The following TMEM94 variants were observed in gnomAD, a reference collection of about 807,000 sequenced individuals.
TMEM94 encodes the protein transmembrane protein 94.
In TMEM94, 81 loss-of-function variants were observed where a neutral mutation model predicts 158.6. That is an observed-to-expected ratio of 0.51 (90% CI 0.43 to 0.61). The LOEUF is 0.61. TMEM94 is among the 20% of genes least tolerant of loss of function. TMEM94 has a pLI of 0.00. For synonymous variants in TMEM94, 751 were observed against 730.7 expected, an observed-to-expected ratio of 1.03 and a Z score of -0.45; for missense variants, 1,435 against 1,762.0, an observed-to-expected ratio of 0.81 and a Z score of 3.32.
chr17:75,496,852 C>G, intron 25 of TMEM94, 45 bp downstream of exon 25: 1 of 1,576,460 alleles, frequency 6.3e-7, no homozygotes, highest in Non-Finnish European at 8.7e-7. Flanking sequence ...CCACTCACCC[C>G]TTCACTCAGG....
chr17:75,463,325 C>T (rs2146073200), intron 1 of TMEM94, among the ~76,000 whole-genome samples: 1 of 151,158 alleles, frequency 6.6e-6, no homozygotes, highest in African/African-American at 2.4e-5. Context: ...AGCCATTATA[C>T]CTTTCTAGCC....
chr17:75,461,051 C>T (rs187467258), intron 1 of TMEM94, among the ~76,000 whole-genome samples: 6 of 148,402 alleles, frequency 4.0e-5, no homozygotes, highest in Admixed American at 2.7e-4. Flanking sequence ...CTAGAAACCT[C>T]ATATAAGAGG....
intron 1 of TMEM94, among the ~76,000 whole-genome samples, chr17:75,460,515 ATT>A (rs537401657): frequency 1.1e-4 from 15 of 140,644 alleles, no homozygotes; most frequent in Non-Finnish European, 1.2e-4. Context: ...GGAGCTGCTG[ATT>A]TTTTTTTTTT....
intron 1 of TMEM94, among the ~76,000 whole-genome samples, chr17:75,463,102 G>C (rs1333641704): frequency 1.3e-4 from 1 of 7,986 alleles, no homozygotes; most frequent in Non-Finnish European, 2.2e-4. Flanking sequence ...ACATATATAT[G>C]TGTGTATATA....
At chr17:75,483,610 C>T (rs767434112) in intron 2 of TMEM94, among the ~76,000 whole-genome samples, 1 of 152,020 alleles carries the variant, frequency 6.6e-6, no homozygotes, top group Non-Finnish European at 1.5e-5. Context: ...CATGCATGCA[C>T]CACCATGCCC....
At position 75,489,019 on chromosome 17, in the gene TMEM94, C is replaced by A; in HGVS notation, c.764+109C>A. On this transcript the variant is annotated intron_variant, in intron 7 of 31. Coordinates refer to ENST00000314256, the MANE Select transcript of TMEM94 (RefSeq NM_014738.6). This position sits in a 1 kb window ranked among gnomAD's most constrained non-coding sequence, Gnocchi z 5.0. Reference sequence around the variant, plus strand: ...ATCTCGAGGTTCTCTTGAGGGCAGGCATCTCCTTAGGCTCCTGTCCTTAAC... The same window carrying A: ...ATCTCGAGGTTCTCTTGAGGGCAGGAATCTCCTTAGGCTCCTGTCCTTAAC... 1 of 1,208,700 alleles carries A rather than the reference C, an allele frequency of 8.3e-7. No individual in the cohort carries two copies. The highest frequency in any genetic ancestry group is 1.2e-6 in the Non-Finnish European group (1 of 855,442). The allele number at this position is 1,208,700 out of a possible 1,614,324, so 74.9% of individuals were successfully genotyped here.
Position 75,485,909 on chromosome 17 carries a change from C to G in TMEM94, c.183C>G (p.Arg61=), listed in dbSNP as rs2051556940. The G allele has an allele frequency of 1.2e-6, 2 of 1,613,444 alleles. No individual in the cohort carries two copies. The highest frequency in any genetic ancestry group is 2.7e-5 in the African/African-American group (2 of 74,932). The change falls in exon 4 of 32, where the codon CGC becomes CGG. Residue 61 remains arginine, a synonymous_variant. Transcript: ENST00000314256. The surrounding 1 kb of genome is among the most constrained non-coding windows in gnomAD (Gnocchi z 5.5). ...WRSSFLHHSN[R]CSCFHWPGAS... ...GCAGCTTCCTCCACCACAGTAACCG[C>G]TGCTCCTGCTTCCACTGGCCGGGGG...
At chr17:75,463,092 A>ACC (rs2050154214) in intron 1 of TMEM94, among the ~76,000 whole-genome samples, 1 of 13,800 alleles carries the variant, frequency 7.2e-5, no homozygotes, top group South Asian at 2.4e-3. Context: ...ACACACACAC[A>ACC]CATATATATG....
At chr17:75,457,708 T>G (rs2049937430) in intron 1 of TMEM94, 1 of 152,276 alleles carries the variant, frequency 6.6e-6, no homozygotes, top group Non-Finnish European at 1.5e-5. Context: ...CAGGTAATCT[T>G]GGAAGATGGA....
Position 75,499,463 on chromosome 17 carries a change from C to T in TMEM94, c.*129C>T, listed in dbSNP as rs1352367718. The stretch of plus-strand genomic sequence containing the variant: ...TGCACCCGTGGCACTGGAAACCCAG[C>T]TCCCCGTGTCAGACCCCGCTGTCTT... On this transcript the variant is annotated 3_prime_UTR_variant, in exon 32 of 32. Transcript: ENST00000314256. The T allele has an allele frequency of 1.4e-5, 12 of 843,302 alleles. No homozygotes were observed. Among genetic ancestry groups the T allele is most frequent in the Non-Finnish European group, 2.3e-5 (12 of 529,960 alleles). The allele number at this position is 843,302 out of a possible 1,614,324, so 52.2% of individuals were successfully genotyped here. A position where few individuals can be genotyped will look rare whatever the true frequency, so the allele number is the denominator to read the frequency against.
In TMEM94 at chr17:75,491,439, CCTT is replaced by C. The variant is rs1310548398; in HGVS notation, c.1373_1375del (p.Phe458del). 6.2e-7 allele frequency: 1 copy of C among 1,614,158 alleles called. No individual in the cohort carries two copies. Among genetic ancestry groups the C allele is most frequent in the Admixed American group, 1.7e-5 (1 of 60,034 alleles). ...CTCACCGATGGCCTATCCACCCGCT[CCTT>C]CTGCCATCCCGAGGTAGAGGAGGAG... On this transcript the variant is annotated inframe_deletion, in exon 13 of 32. Transcript: ENST00000314256. This position sits in a 1 kb window ranked among gnomAD's most constrained non-coding sequence, Gnocchi z 5.1.
At chr17:75,493,371 G>C (rs1287312629) in intron 16 of TMEM94, 120 bp from the exon 17 acceptor site, 2 of 1,020,796 alleles carry the variant, frequency 2.0e-6, no homozygotes, top group Non-Finnish European at 3.0e-6. Context: ...GAGTCCCAGG[G>C]AGTCTCCTCC....
intron 2 of TMEM94, among the ~76,000 whole-genome samples, chr17:75,479,904 G>A (rs1326873861): frequency 6.6e-6 from 1 of 152,024 alleles, no homozygotes; most frequent in African/African-American, 2.4e-5. Flanking sequence ...GGCAACAGGA[G>A]TGAGACCATC....
chr17:75,476,364 T>C, intron 2 of TMEM94: 1 of 507,132 alleles, frequency 2.0e-6, no homozygotes, highest in African/African-American at 1.9e-5. Context: ...TGGCAGCGCG[T>C]TGGACAAACT....
rs1426783812 is a variant in TMEM94 at position 75,495,730 on chromosome 17, G to C, written c.2944+87G>C. On this transcript the variant is annotated intron_variant, in intron 22 of 31. Coordinates refer to ENST00000314256, the MANE Select transcript of TMEM94 (RefSeq NM_014738.6). This position sits in a 1 kb window ranked among gnomAD's most constrained non-coding sequence, Gnocchi z 5.6. The stretch of plus-strand genomic sequence containing the variant: ...CCTGCGTACCCCGTGGGCTCTGGAG[G>C]GATGTAGGTTTCCCATGCAGGGAGT... 7.7e-7 allele frequency: 1 copy of C among 1,291,476 alleles called. No individual in the cohort carries two copies. Among genetic ancestry groups the C allele is most frequent in the African/African-American group, 1.5e-5 (1 of 68,050 alleles). The allele number at this position is 1,291,476 out of a possible 1,614,324, so 80.0% of individuals were successfully genotyped here.
At position 75,493,018 on chromosome 17, in the gene TMEM94, T is replaced by C; in HGVS notation, c.2002T>C (p.Ser668Pro). Residue 668 changes from serine to proline, a missense_variant, in exon 16 of 32, where the codon TCG becomes CCG. Around this residue, in one of 3 missense-constraint regions of TMEM94, gnomAD observed 1,051 missense variants for 1,254.4 expected, o/e 0.84. Transcript: ENST00000314256. ...LPSAETMKETSLGRLSCVTKR... is the reference protein window; with the variant it reads ...LPSAETMKETPLGRLSCVTKR... ...CAGTGCCGAGACAATGAAGGAGACA[T>C]CGCTGGGGCGGCTCTCCTGTGTCAC... is the stretch of plus-strand genomic sequence containing the variant. 1 of 1,613,754 alleles carries C rather than the reference T, an allele frequency of 6.2e-7. No individual in the cohort carries two copies. Among genetic ancestry groups the C allele is most frequent in the Non-Finnish European group, 8.5e-7 (1 of 1,180,018 alleles).
In TMEM94 at chr17:75,491,928, C is replaced by A; in HGVS notation, c.1596+28C>A. On this transcript the variant is annotated intron_variant, in intron 14 of 31. Coordinates refer to ENST00000314256, the MANE Select transcript of TMEM94 (RefSeq NM_014738.6). This position sits in a 1 kb window ranked among gnomAD's most constrained non-coding sequence, Gnocchi z 5.1. ...GACGGGAGGGGGTGGCACGGGGCAG[C>A]CACACCCTCGGCCACAGGCTGTCCT... 6.3e-7 allele frequency: 1 copy of A among 1,586,576 alleles called. No homozygotes were observed. Among genetic ancestry groups the A allele is most frequent in the Non-Finnish European group, 8.6e-7 (1 of 1,166,048 alleles).
chr17:75,489,476 G>T lies in TMEM94; in HGVS notation c.868-100G>T. ...GCGGGAGTGAATGCAGAGGGTCCCA[G>T]AGTGAGCCAGCCTGTGGAGTAGCAA... On this transcript the variant is annotated intron_variant, in intron 8 of 31. Coordinates refer to ENST00000314256, the MANE Select transcript of TMEM94 (RefSeq NM_014738.6). The surrounding 1 kb of genome is among the most constrained non-coding windows in gnomAD (Gnocchi z 5.0). 2 of 1,482,366 alleles carry T rather than the reference G, an allele frequency of 1.3e-6. No individual in the cohort carries two copies. Among genetic ancestry groups the T allele is most frequent in the Non-Finnish European group, 1.9e-6 (2 of 1,061,740 alleles). The allele number at this position is 1,482,366 out of a possible 1,614,324, so 91.8% of individuals were successfully genotyped here.
In TMEM94 at chr17:75,491,715, G is replaced by A; in HGVS notation, c.1411G>A (p.Ala471Thr). The change falls in exon 14 of 32, where the codon GCT becomes ACT. Residue 471 changes from alanine to threonine, a missense_variant. Physicochemically the swap from Ala to Thr is moderately conservative, Grantham distance 58. Transcript: ENST00000314256. This position sits in a 1 kb window ranked among gnomAD's most constrained non-coding sequence, Gnocchi z 5.1. ...GCCCCATGAACGAGACGCCCTCCTG[G>A]CTGGCTCCCTGAACAACACCCTGCA... ...PEPHERDALL[A>T]GSLNNTLHLS... 6 of 1,614,078 alleles carry A rather than the reference G, an allele frequency of 3.7e-6. No individual in the cohort carries two copies. Among genetic ancestry groups the A allele is most frequent in the Non-Finnish European group, 5.1e-6 (6 of 1,180,024 alleles).
Sources: allele counts gnomAD v4.1 joint callset (sites outside exome capture counted in the v4.1 genomes callset), GRCh38; gene constraint gnomAD v4.1.1; regional missense constraint gnomAD v4.1.1; non-coding constraint Gnocchi (gnomAD v3.1); transcripts MANE v1.5; gene names NCBI Gene and HGNC (gene_info 2026-07-23, HGNC 2026-07-21).